The following PCCA variants were observed in gnomAD, a reference collection of about 807,000 sequenced individuals.
The protein encoded by PCCA is propionyl-CoA carboxylase alpha chain, mitochondrial.
In PCCA, 74 loss-of-function variants were observed where a neutral mutation model predicts 101.3. The observed-to-expected ratio is 0.73, with a 90% confidence interval of 0.61 to 0.89. PCCA has a LOEUF of 0.89. PCCA is among the 40% of genes least tolerant of loss of function. The pLI is 0.00. For synonymous variants in PCCA, 294 were observed against 313.6 expected (o/e 0.94, Z 0.66); for missense variants, 891 against 907.0 (o/e 0.98, Z 0.23).
intron 12 of PCCA, among the ~76,000 whole-genome samples, chr13:100,282,944 G>A (rs1461650011): frequency 6.6e-6 from 1 of 151,968 alleles, no homozygotes; most frequent in Admixed American, 6.6e-5. Context: ...AATCTCCAAA[G>A]GACCACAAAA....
chr13:100,222,916 G>A (rs2059908385), intron 7 of PCCA, among the ~76,000 whole-genome samples: 1 of 152,154 alleles, frequency 6.6e-6, no homozygotes, highest in Non-Finnish European at 1.5e-5. Flanking sequence ...ATTGTGTGCA[G>A]TACTTCAGTG....
chr13:100,427,872 TAATA>T (rs1341384438), intron 20 of PCCA, among the ~76,000 whole-genome samples: 1 of 152,096 alleles, frequency 6.6e-6, no homozygotes, highest in Non-Finnish European at 1.5e-5. Context: ...ATTGTAGTAA[TAATA>T]AATAACACAC....
chr13:100,490,239 G>C (rs180813439), intron 21 of PCCA: 1 of 152,310 alleles, frequency 6.6e-6, no homozygotes, highest in East Asian at 1.9e-4. Context: ...GTGATCTCTG[G>C]AGTAGTATCA....
chr13:100,289,831 T>A (rs1317530236), intron 12 of PCCA, among the ~76,000 whole-genome samples: 1 of 152,202 alleles, frequency 6.6e-6, no homozygotes, highest in Non-Finnish European at 1.5e-5. Flanking sequence ...AGCTTTTTTT[T>A]AGCTCCCATG....
At chr13:100,205,238 C>T (rs985490973) in intron 6 of PCCA, among the ~76,000 whole-genome samples, 65 of 152,084 alleles carry the variant, frequency 4.3e-4, no homozygotes, top group Non-Finnish European at 2.9e-5. Flanking sequence ...TAAGTCACAC[C>T]GCTGCCTGGT....
chr13:100,112,791 G>A (rs2048442397), intron 4 of PCCA, among the ~76,000 whole-genome samples: 1 of 152,074 alleles, frequency 6.6e-6, no homozygotes. Flanking sequence ...GGCCAGGCTG[G>A]TGTTGAACTC....
intron 4 of PCCA, among the ~76,000 whole-genome samples, chr13:100,145,208 A>G (rs970231122): frequency 3.9e-5 from 6 of 152,214 alleles, no homozygotes; most frequent in African/African-American, 9.6e-5. Context: ...AAATATCTTT[A>G]TAGTTACCTA....
At chr13:100,292,920 C>A (rs886781273) in intron 12 of PCCA, among the ~76,000 whole-genome samples, 2 of 136,326 alleles carry the variant, frequency 1.5e-5, no homozygotes, top group Non-Finnish European at 3.1e-5. Flanking sequence ...ACCCTGAATA[C>A]ACCTTTCCAA....
intron 19 of PCCA, among the ~76,000 whole-genome samples, chr13:100,414,427 T>C (rs949452469): frequency 3.9e-5 from 6 of 152,330 alleles, no homozygotes; most frequent in Middle Eastern, 3.4e-3. Context: ...CTCCCCTTTT[T>C]GTGTTATGTT....
At chr13:100,224,161 G>A (rs1275174017) in intron 7 of PCCA, among the ~76,000 whole-genome samples, 1 of 152,244 alleles carries the variant, frequency 6.6e-6, no homozygotes, top group Non-Finnish European at 1.5e-5. Flanking sequence ...GGGAGGCTCA[G>A]GCATGGCGGG....
At chr13:100,341,932 T>C (rs966268134) in intron 18 of PCCA, among the ~76,000 whole-genome samples, 28 of 137,264 alleles carry the variant, frequency 2.0e-4, no homozygotes, top group Non-Finnish European at 4.1e-4. Context: ...TAATTACTTT[T>C]AATGTTTTGG....
intron 7 of PCCA, among the ~76,000 whole-genome samples, chr13:100,220,592 C>T (rs931087727): frequency 3.9e-5 from 6 of 152,098 alleles, no homozygotes. Flanking sequence ...TTCTAAACCC[C>T]ACTGGCTTTC....
At chr13:100,307,334 C>A in intron 15 of PCCA, 74 bp downstream of exon 15, 1 of 979,846 alleles carries the variant, frequency 1.0e-6, no homozygotes, top group Non-Finnish European at 1.6e-6. Context: ...TGAAACTGGG[C>A]CTTTATCTGA....
intron 18 of PCCA, among the ~76,000 whole-genome samples, chr13:100,361,014 A>G (rs2074510569): frequency 6.6e-6 from 1 of 152,212 alleles, no homozygotes; most frequent in Non-Finnish European, 1.5e-5. Context: ...AAACAAATAC[A>G]TATTGGTATG....
intron 19 of PCCA, among the ~76,000 whole-genome samples, chr13:100,378,257 C>A (rs1457143553): frequency 6.6e-6 from 1 of 152,132 alleles, no homozygotes; most frequent in East Asian, 1.9e-4. Context: ...AAATACGATT[C>A]CATTCTCTCC....
intron 8 of PCCA, 141 bp downstream of exon 8, chr13:100,236,019 G>GT: frequency 1.5e-6 from 1 of 657,288 alleles, no homozygotes. Context: ...CTGGAAGAAT[G>GT]TATCAGTTGA....
chr13:100,191,971 T>C (rs2057771255), intron 6 of PCCA, among the ~76,000 whole-genome samples: 1 of 152,196 alleles, frequency 6.6e-6, no homozygotes, highest in Non-Finnish European at 1.5e-5. Context: ...CTGGTTGGAA[T>C]TATTGAGAAA....
intron 12 of PCCA, among the ~76,000 whole-genome samples, chr13:100,291,335 A>G (rs1640359527): frequency 6.6e-6 from 1 of 152,234 alleles, no homozygotes; most frequent in South Asian, 2.1e-4. Flanking sequence ...ATACCATGTT[A>G]CTTTATATCG....
rs1254444285 is a variant in PCCA at position 100,247,462 on chromosome 13, C to T, written c.638-10133C>T. On this transcript the variant is annotated intron_variant, in intron 8 of 23. Transcript: ENST00000376285. ...TGATCTCCTGAGCTCATGATCTGCC[C>T]GCCTCTGCCTCCCAAAGTGCTGGGA... Among the ~76,000 whole-genome samples the T allele has an allele frequency of 6.6e-5, 10 of 151,308 alleles. No homozygotes were observed. The East Asian group carries it at 7.8e-4, about 12-fold the overall frequency.
Sources: allele counts gnomAD v4.1 joint callset (sites outside exome capture counted in the v4.1 genomes callset), GRCh38; gene constraint gnomAD v4.1.1; transcripts MANE v1.5; gene names NCBI Gene and HGNC (gene_info 2026-07-23, HGNC 2026-07-21).